The following ZBTB20 variants were observed in gnomAD, a reference collection of about 807,000 sequenced individuals.
ZBTB20 encodes zinc finger and BTB domain-containing protein 20.
A neutral mutation model predicts 56.9 loss-of-function variants in ZBTB20; 9 were observed. The ratio of observed to expected loss-of-function variants is 0.16; its 90% CI spans 0.10 to 0.28. The LOEUF (loss-of-function observed/expected upper bound fraction) is 0.28. Among genes scored for constraint, ZBTB20 ranks in the 10% least tolerant of loss-of-function variants. ZBTB20 has a pLI of 1.00. For synonymous variants in ZBTB20, 417 were observed against 420.7 expected, an observed-to-expected ratio of 0.99 and a Z score of 0.11; for missense variants, 655 against 1,003.0, an observed-to-expected ratio of 0.65 and a Z score of 4.69.
intron 10 of ZBTB20, among the ~76,000 whole-genome samples, chr3:114,371,439 G>C (rs749902088): frequency 3.9e-5 from 6 of 152,110 alleles, no homozygotes; most frequent in Non-Finnish European, 8.8e-5. Context: ...CAATGCTCCG[G>C]TGGGTCTCTG....
In ZBTB20 at chr3:115,066,859, A is replaced by G. The variant is rs13086349; in HGVS notation, c.-507+4360T>C. ...GTCTTCTCCCAAATAAAGGAATCCA[A>G]CAAAAGAGAGTGAAAAGATTAAAAA... is the stretch of plus-strand genomic sequence containing the variant. On this transcript the variant is annotated intron_variant, in intron 2 of 11. Coordinates refer to ENST00000675478, the MANE Select transcript of ZBTB20 (RefSeq NM_001348800.3). Among the ~76,000 whole-genome samples the G allele has an allele frequency of 4.6e-3, 700 of 152,254 alleles. 8 individuals are homozygous for G. Among genetic ancestry groups the G allele is most frequent in the Non-Finnish European group, 3.7e-3 (254 of 67,984 alleles).
At chr3:114,980,333 A>G (rs1300211858) in intron 2 of ZBTB20, among the ~76,000 whole-genome samples, 2 of 151,562 alleles carry the variant, frequency 1.3e-5, no homozygotes, top group Admixed American at 6.6e-5. Context: ...TTATTTACTT[A>G]ATCCCCTTCA....
chr3:114,509,146 C>T (rs1192937828), intron 6 of ZBTB20, among the ~76,000 whole-genome samples: 2 of 152,098 alleles, frequency 1.3e-5, no homozygotes, highest in African/African-American at 4.8e-5. Flanking sequence ...GCTTCCCCCA[C>T]CTTCTAGTCC....
At chr3:114,469,654 G>A (rs1428888705) in intron 7 of ZBTB20, among the ~76,000 whole-genome samples, 1 of 152,194 alleles carries the variant, frequency 6.6e-6, no homozygotes, top group Non-Finnish European at 1.5e-5. Context: ...CCTGGGCTGA[G>A]TTCTAGCATG....
At chr3:114,799,887 G>A (rs1286867412) in intron 5 of ZBTB20, among the ~76,000 whole-genome samples, 4 of 151,914 alleles carry the variant, frequency 2.6e-5, no homozygotes, top group Non-Finnish European at 5.9e-5. Flanking sequence ...CATAGGCAGA[G>A]ACATATAAGC....
At chr3:114,885,318 C>T (rs1442835471) in intron 4 of ZBTB20, among the ~76,000 whole-genome samples, 4 of 152,178 alleles carry the variant, frequency 2.6e-5, no homozygotes, top group Non-Finnish European at 4.4e-5. Flanking sequence ...GGCTCCTTCA[C>T]GTCATTCAAG....
At chr3:114,411,921 A>T (rs2088000911) in intron 7 of ZBTB20, among the ~76,000 whole-genome samples, 1 of 152,174 alleles carries the variant, frequency 6.6e-6, no homozygotes. Flanking sequence ...CTTACGGAAC[A>T]TCTCCACATG....
intron 7 of ZBTB20, among the ~76,000 whole-genome samples, chr3:114,481,971 C>A (rs2041603763): frequency 1.3e-5 from 2 of 152,246 alleles, no homozygotes; most frequent in Non-Finnish European, 2.9e-5. Context: ...CCAAATCCAA[C>A]TTGGAATCTA....
intron 6 of ZBTB20, among the ~76,000 whole-genome samples, chr3:114,553,904 G>C (rs75836845): frequency 6.6e-5 from 10 of 152,064 alleles, no homozygotes; most frequent in Non-Finnish European, 1.3e-4. Context: ...TTTAAAGTCA[G>C]TAACCCTAAA....
rs377139571 is a variant in ZBTB20 at position 115,043,927 on chromosome 3, G to T, written c.-507+27292C>A. ...TGAATGGCTTGGCACCATCTCCTTG[G>T]TAATAAGTGAGCTCTCACTCTAAGT... On this transcript the variant is annotated intron_variant, in intron 2 of 11. Coordinates refer to ENST00000675478, the MANE Select transcript of ZBTB20 (RefSeq NM_001348800.3). Among the ~76,000 whole-genome samples the T allele has an allele frequency of 7.2e-5, 11 of 152,240 alleles. No homozygotes were observed. The East Asian group carries it at 1.7e-3, about 24-fold the overall frequency.
At chr3:114,365,080 T>A (rs909621731) in intron 10 of ZBTB20, among the ~76,000 whole-genome samples, 2 of 152,158 alleles carry the variant, frequency 1.3e-5, no homozygotes, top group African/African-American at 4.8e-5. Flanking sequence ...TTAGCTCATT[T>A]TAAGTGTCTC....
intron 2 of ZBTB20, among the ~76,000 whole-genome samples, chr3:114,976,486 C>T (rs1177708178): frequency 4.6e-5 from 7 of 152,006 alleles, no homozygotes; most frequent in South Asian, 2.1e-4. Context: ...ATTAGCCGGG[C>T]GTGGTGGCGG....
At chr3:114,475,318 T>G (rs2040619710) in intron 7 of ZBTB20, among the ~76,000 whole-genome samples, 1 of 152,108 alleles carries the variant, frequency 6.6e-6, no homozygotes, top group Admixed American at 6.6e-5. Flanking sequence ...CAAGAATACC[T>G]TATCTGTACT....
intron 6 of ZBTB20, among the ~76,000 whole-genome samples, chr3:114,657,800 G>GTT (rs201434060): frequency 8.8e-5 from 13 of 148,284 alleles, no homozygotes; most frequent in African/African-American, 2.7e-4. Flanking sequence ...TAATTGTGGT[G>GTT]TTTTTTTTTT....
At chr3:114,683,298 C>T (rs2062098033) in intron 6 of ZBTB20, among the ~76,000 whole-genome samples, 1 of 152,134 alleles carries the variant, frequency 6.6e-6, no homozygotes, top group Non-Finnish European at 1.5e-5. Context: ...AAAGAGAGTT[C>T]TGAACTTTCC....
chr3:115,141,200 T>G (rs190556381), intron 1 of ZBTB20, among the ~76,000 whole-genome samples: 1 of 152,166 alleles, frequency 6.6e-6, no homozygotes, highest in South Asian at 2.1e-4. Context: ...CTGTTTTGTG[T>G]ATGACTTCAC....
intron 1 of ZBTB20, among the ~76,000 whole-genome samples, chr3:115,093,519 T>C (rs1353262365): frequency 6.6e-6 from 1 of 152,206 alleles, no homozygotes; most frequent in Non-Finnish European, 1.5e-5. Context: ...TTCAGACTGC[T>C]AGAAAAGTTC....
chr3:114,328,297 G>T lies in ZBTB20; in HGVS notation c.*10708C>A, dbSNP rs1276709690. The T allele has an allele frequency of 6.6e-5, 10 of 151,986 alleles. No individual in the cohort carries two copies. The highest frequency in any genetic ancestry group is 5.2e-4 in the Admixed American group (8 of 15,254). 9.4% of individuals were successfully genotyped at this position (151,986 alleles called of 1,614,324 possible). On this transcript the variant is annotated 3_prime_UTR_variant, in exon 12 of 12. Transcript: ENST00000675478. ...TTTCCTACAATGTGTTCAAGTGGAT[G>T]TGGCTTTTCTTGTTTGAGAAGAGCT...
At chr3:115,116,700 G>A (rs1386073151) in intron 1 of ZBTB20, among the ~76,000 whole-genome samples, 1 of 152,000 alleles carries the variant, frequency 6.6e-6, no homozygotes, top group African/African-American at 2.4e-5. Flanking sequence ...CCCCAGGAAA[G>A]AGAGAAAGAG....
Sources: allele counts gnomAD v4.1 joint callset (sites outside exome capture counted in the v4.1 genomes callset), GRCh38; gene constraint gnomAD v4.1.1; transcripts MANE v1.5; gene names NCBI Gene and HGNC (gene_info 2026-07-23, HGNC 2026-07-21).